The following SKAP2 variants were observed in gnomAD, a reference collection of about 807,000 sequenced individuals.
SKAP2 encodes the protein src kinase-associated phosphoprotein 2.
In SKAP2, 28 loss-of-function variants were observed where a neutral mutation model predicts 54.9. The observed-to-expected ratio is 0.51, with a 90% CI of 0.38 to 0.70. The LOEUF is 0.70. SKAP2 is among the 30% of genes least tolerant of loss of function. SKAP2 has a pLI of 0.00. For missense variants in SKAP2, 356 were observed against 424.1 expected (o/e 0.84, Z 1.41); for synonymous variants, 137 against 134.3 (o/e 1.02, Z -0.14).
chr7:26,861,762 A>G (rs1017857487), intron 1 of SKAP2, among the ~76,000 whole-genome samples: 1 of 151,960 alleles, frequency 6.6e-6, no homozygotes, highest in African/African-American at 2.4e-5. Context: ...AATAAATAAG[A>G]ATACACTTGA....
intron 4 of SKAP2, among the ~76,000 whole-genome samples, chr7:26,789,501 TTA>T (rs1352779438): frequency 3.6e-4 from 55 of 152,328 alleles, no homozygotes; most frequent in African/African-American, 1.2e-3. Context: ...TGTGTTACAG[TTA>T]TAGAGTTATT....
At chr7:26,820,734 T>C (rs1784369493) in intron 4 of SKAP2, among the ~76,000 whole-genome samples, 1 of 152,192 alleles carries the variant, frequency 6.6e-6, no homozygotes, top group African/African-American at 2.4e-5. Context: ...AGTTATCTTT[T>C]AGCTACTCAC....
At chr7:26,795,099 G>A (rs537893119) in intron 4 of SKAP2, among the ~76,000 whole-genome samples, 1 of 152,174 alleles carries the variant, frequency 6.6e-6, no homozygotes, top group African/African-American at 2.4e-5. Context: ...AACAGAAAAT[G>A]TCCTAAAAGT....
At chr7:26,806,173 T>A (rs1784020440) in intron 4 of SKAP2, among the ~76,000 whole-genome samples, 1 of 152,186 alleles carries the variant, frequency 6.6e-6, no homozygotes, top group Non-Finnish European at 1.5e-5. Context: ...GCTTCCCTAT[T>A]CCCTGAGACA....
At chr7:26,803,940 C>T (rs1003818661) in intron 4 of SKAP2, among the ~76,000 whole-genome samples, 6 of 151,766 alleles carry the variant, frequency 4.0e-5, no homozygotes, top group East Asian at 1.9e-4. Flanking sequence ...CTCATAGACA[C>T]GGAGTGTAGA....
rs377612850 is a variant in SKAP2 at position 26,759,118 on chromosome 7, T to C, written c.308-19154A>G. Among the ~76,000 whole-genome samples the C allele has an allele frequency of 8.5e-5, 13 of 152,310 alleles. No individual in the cohort carries two copies. The South Asian group carries it at 2.5e-3, about 29-fold the overall frequency. Reference sequence around the variant, plus strand: ...TAACTGTGCCAGGTAATAACTAGTATTCCAAATTCCACCTGGGGAAATGAA... The same window carrying C: ...TAACTGTGCCAGGTAATAACTAGTACTCCAAATTCCACCTGGGGAAATGAA... On this transcript the variant is annotated intron_variant, in intron 4 of 12. Coordinates refer to ENST00000345317, the MANE Select transcript of SKAP2 (RefSeq NM_003930.5).
At chr7:26,693,643 A>G (rs1472101184) in intron 9 of SKAP2, among the ~76,000 whole-genome samples, 1 of 152,190 alleles carries the variant, frequency 6.6e-6, no homozygotes, top group East Asian at 1.9e-4. Context: ...AAATATCCAA[A>G]TTGAAATCCA....
intron 4 of SKAP2, among the ~76,000 whole-genome samples, chr7:26,764,770 C>T (rs1023259622): frequency 6.6e-6 from 1 of 152,102 alleles, no homozygotes; most frequent in Non-Finnish European, 1.5e-5. Context: ...CCAGGAGGGT[C>T]TCGATCTCCT....
intron 4 of SKAP2, among the ~76,000 whole-genome samples, chr7:26,742,871 A>G (rs954662024): frequency 4.6e-5 from 7 of 152,140 alleles, no homozygotes; most frequent in Admixed American, 3.3e-4. Flanking sequence ...TATAATATAT[A>G]AAAAAGTAGT....
intron 4 of SKAP2, among the ~76,000 whole-genome samples, chr7:26,796,755 A>C (rs1180182234): frequency 1.3e-5 from 2 of 152,258 alleles, no homozygotes; most frequent in Non-Finnish European, 2.9e-5. Context: ...TATATAATAC[A>C]TATACAAAAT....
chr7:26,805,286 T>C (rs1174111234), intron 4 of SKAP2, among the ~76,000 whole-genome samples: 1 of 152,230 alleles, frequency 6.6e-6, no homozygotes, highest in Non-Finnish European at 1.5e-5. Context: ...TATACCATAA[T>C]TTTTGTAGGA....
At chr7:26,809,261 A>G (rs569398114) in intron 4 of SKAP2, among the ~76,000 whole-genome samples, 22 of 152,186 alleles carry the variant, frequency 1.4e-4, no homozygotes, top group African/African-American at 5.1e-4. Context: ...TAAACATACA[A>G]AAATTGGCCG....
intron 4 of SKAP2, among the ~76,000 whole-genome samples, chr7:26,768,341 C>T (rs1372517255): frequency 1.4e-5 from 2 of 147,744 alleles, no homozygotes; most frequent in Non-Finnish European, 3.0e-5. Context: ...TTTATTTTGA[C>T]TCTATTTGTG....
At chr7:26,850,186 A>C (rs530120759) in intron 3 of SKAP2, among the ~76,000 whole-genome samples, 26 of 152,376 alleles carry the variant, frequency 1.7e-4, no homozygotes, top group Admixed American at 4.6e-4. Flanking sequence ...CAATGCTGAA[A>C]TAATCACATA....
At chr7:26,809,374 T>C (rs1325538486) in intron 4 of SKAP2, among the ~76,000 whole-genome samples, 1 of 151,284 alleles carries the variant, frequency 6.6e-6, no homozygotes, top group Non-Finnish European at 1.5e-5. Flanking sequence ...GATCGCACCA[T>C]TGCACTCCAG....
At chr7:26,829,180 C>T (rs1366217475) in intron 4 of SKAP2, among the ~76,000 whole-genome samples, 1 of 152,072 alleles carries the variant, frequency 6.6e-6, no homozygotes, top group East Asian at 1.9e-4. Context: ...AATCATATAT[C>T]TGATAAGCAA....
intron 4 of SKAP2, among the ~76,000 whole-genome samples, chr7:26,827,495 T>C (rs772249105): frequency 6.6e-6 from 1 of 152,196 alleles, no homozygotes; most frequent in Non-Finnish European, 1.5e-5. Context: ...ATAGTGAAAA[T>C]AAACCTAAAC....
At chr7:26,749,780 ATAATAG>A (rs1161164297) in intron 4 of SKAP2, among the ~76,000 whole-genome samples, 2,460 of 121,012 alleles carry the variant, frequency 0.02, 73 homozygotes, top group African/African-American at 0.072. Context: ...AATAATAATA[ATAATAG>A]GTCCTACTTC....
chr7:26,701,742 T>C (rs1013756374), intron 9 of SKAP2, among the ~76,000 whole-genome samples: 13 of 120,748 alleles, frequency 1.1e-4, no homozygotes, highest in African/African-American at 3.2e-4. Context: ...AATAAATAAA[T>C]AAATAAATAA....
Sources: gnomAD v4.1 joint callset for allele counts (sites outside exome capture counted in the v4.1 genomes callset) on GRCh38, gnomAD v4.1.1 for gene constraint, MANE v1.5 for transcripts, NCBI Gene and HGNC (gene_info 2026-07-23, HGNC 2026-07-21) for gene names.